RFT1: variants seen among roughly 807,000 people sequenced by gnomAD.
The protein encoded by RFT1 is RFT1 glycolipid translocator homolog, also known as man(5)GlcNAc(2)-PP-dolichol translocation protein RFT1.
A neutral mutation model predicts 62.2 loss-of-function variants in RFT1; 43 were observed. The ratio of observed to expected loss-of-function variants is 0.69; its 90% CI spans 0.54 to 0.89. The LOEUF is 0.89. Ranked by LOEUF, RFT1 falls within the 40% of genes least tolerant of loss-of-function variation. RFT1 has a pLI of 0.00. For missense variants in RFT1, 605 were observed against 649.9 expected, an observed-to-expected ratio of 0.93 and a Z score of 0.75; for synonymous variants, 262 against 264.6, an observed-to-expected ratio of 0.99 and a Z score of 0.10.
intron 9 of RFT1, 149 bp downstream of exon 9, chr3:53,105,524 T>C: frequency 1.0e-6 from 1 of 962,292 alleles, no homozygotes; most frequent in South Asian, 1.4e-5. Context: ...GAGCCCTGGG[T>C]CCCACTATCA....
the RFT1 span, among the ~76,000 whole-genome samples, chr3:53,072,052 C>T: frequency 3.3e-5 from 5 of 152,306 alleles, no homozygotes; most frequent in Middle Eastern, 6.8e-3. Flanking sequence ...CAGGGGAACA[C>T]GTGTCCTAGA....
intron 1 of RFT1, among the ~76,000 whole-genome samples, chr3:53,126,195 T>C (rs1702105071): frequency 1.3e-5 from 2 of 152,198 alleles, no homozygotes; most frequent in South Asian, 2.1e-4. Context: ...AGCACTCCCG[T>C]GCAGTAGTCA....
In RFT1 at chr3:53,105,777, C is replaced by T; in HGVS notation, c.853G>A (p.Gly285Ser). The T allele has an allele frequency of 1.9e-6, 3 of 1,613,592 alleles. No homozygotes were observed. Among genetic ancestry groups the T allele is most frequent in the East Asian group, 2.2e-5 (1 of 44,850 alleles). Residue 285 changes from glycine (G) to serine (S), a missense_variant, in exon 9 of 13, where the codon GGC becomes AGC. Transcript: ENST00000296292. ...QGVYDIVNNLGSLVARLIFQP... is the reference protein window; with the variant it reads ...QGVYDIVNNLSSLVARLIFQP... ...AAAATTAATCTGGCCACAAGGGAGC[C>T]AAGATTATTCACTATATCATACACA...
chr3:53,071,519 G>A, the RFT1 span, among the ~76,000 whole-genome samples: 2 of 152,278 alleles, frequency 1.3e-5, no homozygotes, highest in South Asian at 2.1e-4. Flanking sequence ...CACAGGGGCC[G>A]ACCTGGGACA....
At chr3:53,086,505 G>A (rs1418497507), downstream of RFT1, among the ~76,000 whole-genome samples, 3 of 151,950 alleles carry the variant, frequency 2.0e-5, no homozygotes, top group South Asian at 2.1e-4. Context: ...TAGTAGTGAC[G>A]GGGTTTCACC....
intron 7 of RFT1, among the ~76,000 whole-genome samples, chr3:53,107,811 C>G (rs748584093): frequency 1.3e-5 from 2 of 152,146 alleles, no homozygotes; most frequent in African/African-American, 2.4e-5. Flanking sequence ...ACAGTGCCCA[C>G]GCCCTGAAGG....
rs755909744 is a variant in RFT1, at chr3:53,094,835, G to C, written c.1209-2217C>G. Among the ~76,000 whole-genome samples, 15 of 152,034 alleles carry C rather than the reference G, an allele frequency of 9.9e-5. 1 individual carries two copies. The highest frequency in any genetic ancestry group is 2.1e-4 in the Non-Finnish European group (14 of 68,020). Reference sequence around the variant, plus strand: ...GCCTCTTTGATATGGCCATCTGAGAGGAGCTGATGATGGGGTCCATTGTCT... The same window carrying C: ...GCCTCTTTGATATGGCCATCTGAGACGAGCTGATGATGGGGTCCATTGTCT... On this transcript the variant is annotated intron_variant, in intron 11 of 12. Coordinates refer to ENST00000296292, the MANE Select transcript of RFT1 (RefSeq NM_052859.4).
chr3:53,123,945 C>G (rs1702039930), intron 2 of RFT1, 105 bp from the exon 3 acceptor site: 1 of 903,248 alleles, frequency 1.1e-6, no homozygotes. Flanking sequence ...GGTCATAAAC[C>G]ACTGGTGGTG....
chr3:53,073,036 G>A, the RFT1 span, among the ~76,000 whole-genome samples: 1 of 152,226 alleles, frequency 6.6e-6, no homozygotes, highest in Admixed American at 6.5e-5. Flanking sequence ...AGTCCTGGGG[G>A]GCCCTGCTTC....
chr3:53,098,646 CA>C (rs1270451210), intron 11 of RFT1, among the ~76,000 whole-genome samples: 1 of 151,692 alleles, frequency 6.6e-6, no homozygotes. Context: ...ACTAAAAATA[CA>C]AAAAATTAGC....
chr3:53,110,225 G>A (rs962867935), intron 7 of RFT1, among the ~76,000 whole-genome samples: 5 of 152,180 alleles, frequency 3.3e-5, no homozygotes, highest in Non-Finnish European at 7.3e-5. Context: ...ATGAGCAACC[G>A]TCCTTTCCAA....
chr3:53,112,045 T>C, intron 6 of RFT1, 137 bp from the exon 7 acceptor site: 1 of 738,100 alleles, frequency 1.4e-6, no homozygotes, highest in South Asian at 1.4e-5. Context: ...CATCCAATGC[T>C]AAGCACACAG....
At chr3:53,122,663 C>T (rs1346609022) in intron 3 of RFT1, 100 bp from the exon 4 acceptor site, 1 of 718,368 alleles carries the variant, frequency 1.4e-6, no homozygotes, top group Non-Finnish European at 2.0e-6. Flanking sequence ...ATAATACAAA[C>T]AGCTACCATT....
rs1700941300 is a variant in RFT1 at position 53,089,817 on chromosome 3, G to A, written c.*2086C>T. Reference sequence around the variant, plus strand: ...ACAGCAGCACTGGGCGAACAGCAGGGGAGGGATGAGAGAGTGAGCACTGCC... The same window carrying A: ...ACAGCAGCACTGGGCGAACAGCAGGAGAGGGATGAGAGAGTGAGCACTGCC... On this transcript the variant is annotated 3_prime_UTR_variant, in exon 13 of 13. Coordinates refer to ENST00000296292, the MANE Select transcript of RFT1 (RefSeq NM_052859.4). 1 of 152,404 alleles carries A rather than the reference G, an allele frequency of 6.6e-6. No individual in the cohort carries two copies. Among genetic ancestry groups the A allele is most frequent in the Non-Finnish European group, 1.5e-5 (1 of 68,170 alleles). 9.4% of individuals were successfully genotyped at this position (152,404 alleles called of 1,614,324 possible).
the RFT1 span, among the ~76,000 whole-genome samples, chr3:53,071,227 G>A: frequency 2.2e-4 from 34 of 152,230 alleles, no homozygotes; most frequent in African/African-American, 7.0e-4. Context: ...AAGGGAAAAC[G>A]GAAGCTAAGG....
At chr3:53,117,819 G>C (rs762888424) in intron 6 of RFT1, among the ~76,000 whole-genome samples, 20 of 152,216 alleles carry the variant, frequency 1.3e-4, no homozygotes, top group Non-Finnish European at 2.8e-4. Context: ...CCTTAGGAGT[G>C]AGGTACTATT....
intron 9 of RFT1, 77 bp downstream of exon 9, chr3:53,105,595 CA>C: frequency 6.6e-7 from 1 of 1,516,684 alleles, no homozygotes; most frequent in South Asian, 1.1e-5. Context: ...AGAAGAGAAA[CA>C]GACTGCTTCA....
At chr3:53,124,468 G>A (rs1283096607) in intron 2 of RFT1, among the ~76,000 whole-genome samples, 1 of 152,152 alleles carries the variant, frequency 6.6e-6, no homozygotes, top group Non-Finnish European at 1.5e-5. Flanking sequence ...GGTCTCTGGG[G>A]TTGTCCAAGG....
the RFT1 span, among the ~76,000 whole-genome samples, chr3:53,077,510 G>A: frequency 2.0e-5 from 3 of 152,262 alleles, no homozygotes; most frequent in African/African-American, 2.4e-5. Context: ...GCCCACAGAA[G>A]GAGCCAGAGC....
Sources: allele counts gnomAD v4.1 joint callset (sites outside exome capture counted in the v4.1 genomes callset), GRCh38; gene constraint gnomAD v4.1.1; transcripts MANE v1.5; gene names NCBI Gene and HGNC (gene_info 2026-07-23, HGNC 2026-07-21).